Variants in SLCO1A2 observed in about 807,000 individuals in gnomAD.
SLCO1A2 encodes OATP-1.
Under a neutral mutation model 69.0 loss-of-function variants are expected in SLCO1A2, and 67 were observed. The ratio of observed to expected loss-of-function variants is 0.97; its 90% CI spans 0.80 to 1.19. SLCO1A2 has a LOEUF of 1.19. Among genes scored for constraint, SLCO1A2 ranks in the 50% most tolerant of loss-of-function variants. The pLI is 0.00. For missense variants in SLCO1A2, 787 were observed against 793.7 expected (o/e 0.99, Z 0.10); for synonymous variants, 260 against 265.9 (o/e 0.98, Z 0.22).
chr12:21,288,788 ACAC>A (rs1946372000), intron 12 of SLCO1A2, among the ~76,000 whole-genome samples: 1 of 151,912 alleles, frequency 6.6e-6, no homozygotes, highest in Admixed American at 6.6e-5. Context: ...ATAAATATAT[ACAC>A]CTACTATATA....
rs367775718 is a variant in SLCO1A2 at position 21,293,348 on chromosome 12, G to T, written c.1437+597C>A. 9.2e-5 allele frequency among the ~76,000 whole-genome samples: 14 copies of T among 152,138 alleles called. 1 individual carries two copies. Among genetic ancestry groups the T allele is most frequent in the African/African-American group, 3.4e-4 (14 of 41,526 alleles). ...AATAGTTTCTTTCAAAAAAAGAATT[G>T]TCAACCTTTTTTGAATTGTTACATG... On this transcript the variant is annotated intron_variant, in intron 11 of 14. Transcript: ENST00000683939.
intron 1 of SLCO1A2, among the ~76,000 whole-genome samples, chr12:21,411,760 A>G: frequency 6.6e-6 from 1 of 151,952 alleles, no homozygotes; most frequent in East Asian, 1.9e-4. Context: ...AGCTCACTGC[A>G]GCTTTGAGAA....
At chr12:21,373,056 A>T (rs1939916295) in intron 2 of SLCO1A2, 1 of 373,320 alleles carries the variant, frequency 2.7e-6, no homozygotes, top group Non-Finnish European at 4.8e-6. Context: ...AGAAATGCAC[A>T]CTTGGTGTTA....
intron 12 of SLCO1A2, among the ~76,000 whole-genome samples, chr12:21,290,847 A>C (rs2092251290): frequency 6.6e-6 from 1 of 152,202 alleles, no homozygotes; most frequent in Admixed American, 6.5e-5. Flanking sequence ...TTCATTTCAT[A>C]AATGGCACTG....
At chr12:21,349,597 G>A (rs891695688) in intron 2 of SLCO1A2, among the ~76,000 whole-genome samples, 3 of 152,062 alleles carry the variant, frequency 2.0e-5, no homozygotes, top group African/African-American at 7.2e-5. Flanking sequence ...TCAAAATGAA[G>A]TCCTCAATCT....
At position 21,410,595 on chromosome 12, in the gene SLCO1A2, CA is replaced by C. The variant is rs1941892608; in HGVS notation, c.-312+7286del. ...TAGAACAGCTCCTACTATGTAAGTG[CA>C]AAAGTTTCTTCTGGGAATAGACTTG... On this transcript the variant is annotated intron_variant, in intron 1 of 4. Transcript: ENST00000413682. 2.6e-5 allele frequency among the ~76,000 whole-genome samples: 4 copies of C among 152,086 alleles called. No individual in the cohort carries two copies. In the South Asian group the frequency reaches 8.3e-4, roughly 31 times the overall value.
At chr12:21,270,127 A>G (rs1942543191) in intron 14 of SLCO1A2, among the ~76,000 whole-genome samples, 1 of 151,866 alleles carries the variant, frequency 6.6e-6, no homozygotes, top group Admixed American at 6.6e-5. Context: ...AAGAATCATC[A>G]TGAATTATAA....
At chr12:21,327,476 A>G (rs1017524432) in intron 2 of SLCO1A2, among the ~76,000 whole-genome samples, 1 of 152,070 alleles carries the variant, frequency 6.6e-6, no homozygotes, top group Non-Finnish European at 1.5e-5. Context: ...AGAACACTCA[A>G]CACCATCCCA....
upstream of SLCO1A2, among the ~76,000 whole-genome samples, chr12:21,395,686 A>C: frequency 6.6e-6 from 1 of 152,230 alleles, no homozygotes; most frequent in South Asian, 2.1e-4. Context: ...GAGAACGGGC[A>C]GACTGCCTCC....
intron 2 of SLCO1A2, chr12:21,319,599 C>A: frequency 7.1e-6 from 4 of 561,186 alleles, no homozygotes; most frequent in Admixed American, 6.3e-5. Flanking sequence ...AAATGGAGGA[C>A]CACACAAAAA....
At position 21,312,067 on chromosome 12, in the gene SLCO1A2, A is replaced by AGGAAGAAGAAGAGGAGG. The variant is rs376450735; in HGVS notation, c.335+2465_335+2481dup. On this transcript the variant is annotated intron_variant, in intron 4 of 14. Coordinates refer to ENST00000683939, the MANE Select transcript of SLCO1A2 (RefSeq NM_001386879.1). Reference sequence around the variant, plus strand: ...AGAAGAAGAGGAGGAGAAGAAGAAGAGGAAGAAGAAGAGGAGGAGGAGGAA... The same window carrying AGGAAGAAGAAGAGGAGG: ...AGAAGAAGAGGAGGAGAAGAAGAAGAGGAAGAAGAAGAGGAGGGGAAGAAGAAGAGGAGGAGGAGGAA... Among the ~76,000 whole-genome samples, 379 of 132,736 alleles carry AGGAAGAAGAAGAGGAGG rather than the reference A, an allele frequency of 2.9e-3. 4 individuals are homozygous for AGGAAGAAGAAGAGGAGG. The highest frequency in any genetic ancestry group is 0.014 in the African/African-American group (361 of 25,244). The allele number at this position is 132,736 out of a possible 152,430, so 87.1% of individuals were successfully genotyped here.
In SLCO1A2 at chr12:21,415,523, T is replaced by C. The variant is rs374520611; in HGVS notation, c.-312+2359A>G. ...CTGCCTGAGAATATTATTTTTATAT[T>C]ATACTCTCATTTCTGAAGAACAATT... is the stretch of plus-strand genomic sequence containing the variant. On this transcript the variant is annotated intron_variant, in intron 1 of 4. Transcript: ENST00000413682. Among the ~76,000 whole-genome samples, 4 of 152,236 alleles carry C rather than the reference T, an allele frequency of 2.6e-5. No individual in the cohort carries two copies. The East Asian group carries it at 5.8e-4, about 22-fold the overall frequency.
chr12:21,291,855 C>A (rs909294307), intron 12 of SLCO1A2, among the ~76,000 whole-genome samples: 1 of 152,014 alleles, frequency 6.6e-6, no homozygotes, highest in Non-Finnish European at 1.5e-5. Context: ...ATCAAAATGG[C>A]CATTTTATAC....
intron 2 of SLCO1A2, among the ~76,000 whole-genome samples, chr12:21,362,926 A>G (rs537587973): frequency 2.0e-4 from 31 of 152,270 alleles, no homozygotes; most frequent in African/African-American, 6.7e-4. Flanking sequence ...AGAGACTTAG[A>G]CTCCCACACA....
chr12:21,320,869 C>A (rs11045969), intron 2 of SLCO1A2, among the ~76,000 whole-genome samples: 5,732 of 152,160 alleles, frequency 0.038, 451 homozygotes, highest in East Asian at 0.35. Context: ...ATATCCAAGG[C>A]ATTTCTTGCC....
At chr12:21,320,713 G>A (rs1407736076) in intron 2 of SLCO1A2, among the ~76,000 whole-genome samples, 1 of 151,994 alleles carries the variant, frequency 6.6e-6, no homozygotes, top group East Asian at 1.9e-4. Flanking sequence ...TGGCCAGGCT[G>A]GTCTCGAACT....
intron 2 of SLCO1A2, among the ~76,000 whole-genome samples, chr12:21,372,249 T>C (rs1319253824): frequency 6.6e-6 from 1 of 152,200 alleles, no homozygotes; most frequent in Non-Finnish European, 1.5e-5. Context: ...CATATACCTA[T>C]GGATCTCTAT....
At chr12:21,384,702 C>A (rs911611710) in intron 1 of SLCO1A2, among the ~76,000 whole-genome samples, 1 of 151,016 alleles carries the variant, frequency 6.6e-6, no homozygotes, top group Admixed American at 6.6e-5. Context: ...AACTTGAAAT[C>A]ATGGAAAGGC....
intron 1 of SLCO1A2, among the ~76,000 whole-genome samples, chr12:21,384,303 T>C (rs1940757385): frequency 6.6e-6 from 1 of 152,180 alleles, no homozygotes; most frequent in Non-Finnish European, 1.5e-5. Context: ...ATGAAATTAA[T>C]CTACCCAAAT....
Sources: gnomAD v4.1 joint callset for allele counts (sites outside exome capture counted in the v4.1 genomes callset) on GRCh38, gnomAD v4.1.1 for gene constraint, MANE v1.5 for transcripts, NCBI Gene and HGNC (gene_info 2026-07-23, HGNC 2026-07-21) for gene names.